The following CYP19A1 variants were observed in gnomAD, a reference collection of about 807,000 sequenced individuals.
The protein encoded by CYP19A1 is aromatase.
In CYP19A1, 32 loss-of-function variants were observed where a neutral mutation model predicts 44.4. That is an observed-to-expected ratio of 0.72 (90% CI 0.54 to 0.97). The LOEUF is 0.97. Ranked by LOEUF, CYP19A1 falls within the 50% of genes least tolerant of loss-of-function variation. CYP19A1 has a pLI of 0.00. For synonymous variants in CYP19A1, 212 were observed against 215.6 expected, an observed-to-expected ratio of 0.98 and a Z score of 0.14; for missense variants, 598 against 637.8, an observed-to-expected ratio of 0.94 and a Z score of 0.67.
At position 51,302,325 on chromosome 15, in the gene CYP19A1, C is replaced by T. The variant is rs190284045; in HGVS notation, c.-39+36170G>A. On this transcript the variant is annotated intron_variant, in intron 1 of 9. Coordinates refer to ENST00000396402, the MANE Select transcript of CYP19A1 (RefSeq NM_000103.4). ...GGAGCATTATTCCCCTGAGGGAATT[C>T]GCTGACCAAGAGGCCTTGCCTAGTC... Among the ~76,000 whole-genome samples the T allele has an allele frequency of 2.3e-4, 35 of 152,330 alleles. No homozygotes were observed. In the East Asian group the frequency reaches 3.1e-3, roughly 13 times the overall value.
intron 1 of CYP19A1, among the ~76,000 whole-genome samples, chr15:51,243,755 C>G (rs936682137): frequency 6.6e-6 from 1 of 152,208 alleles, no homozygotes; most frequent in African/African-American, 2.4e-5. Context: ...GAACCTCATT[C>G]GAAGAGCAGC....
chr15:51,311,331 A>T (rs2036305910), intron 1 of CYP19A1, among the ~76,000 whole-genome samples: 1 of 152,264 alleles, frequency 6.6e-6, no homozygotes, highest in Admixed American at 6.5e-5. Context: ...ACAATATCTG[A>T]AATAAATTCA....
At chr15:51,211,122 T>A in intron 9 of CYP19A1, 66 bp from the exon 10 acceptor site, 1 of 1,125,378 alleles carries the variant, frequency 8.9e-7, no homozygotes, top group Non-Finnish European at 1.4e-6. Context: ...TCTGTTTGAT[T>A]CATTCTGAAA....
chr15:51,270,116 A>G (rs2035069307), intron 1 of CYP19A1, among the ~76,000 whole-genome samples: 1 of 151,960 alleles, frequency 6.6e-6, no homozygotes, highest in African/African-American at 2.4e-5. Flanking sequence ...TCTCTCAGTA[A>G]TGTTTTGTAA....
rs55671949 is a variant in CYP19A1 at position 51,327,882 on chromosome 15, T to TA, written c.-39+10612dup. Among the ~76,000 whole-genome samples, 602 of 147,142 alleles carry TA rather than the reference T, an allele frequency of 4.1e-3. 5 individuals are homozygous for TA. Among genetic ancestry groups the TA allele is most frequent in the African/African-American group, 0.013 (518 of 40,390 alleles). ...AAATTTCCTCCCAAAATTCATAATATAAAAAAAAAATGGAATACACTCACT... is the reference window on the plus strand; with the variant it reads ...AAATTTCCTCCCAAAATTCATAATATAAAAAAAAAAATGGAATACACTCACT... On this transcript the variant is annotated intron_variant, in intron 1 of 9. Coordinates refer to ENST00000396402, the MANE Select transcript of CYP19A1 (RefSeq NM_000103.4).
chr15:51,283,816 G>A (rs1470646514), intron 1 of CYP19A1, among the ~76,000 whole-genome samples: 1 of 152,178 alleles, frequency 6.6e-6, no homozygotes, highest in Non-Finnish European at 1.5e-5. Context: ...AACAAACCGA[G>A]GCATACCCGG....
intron 1 of CYP19A1, among the ~76,000 whole-genome samples, chr15:51,327,525 GCT>G (rs1376601994): frequency 2.1e-5 from 3 of 145,238 alleles, no homozygotes; most frequent in Non-Finnish European, 4.5e-5. Context: ...GCAGAATCTT[GCT>G]CTGTCATATA....
At chr15:51,211,445 A>G (rs867188210) in intron 9 of CYP19A1, among the ~76,000 whole-genome samples, 9 of 152,366 alleles carry the variant, frequency 5.9e-5, no homozygotes, top group South Asian at 2.1e-4. Flanking sequence ...AAGGCAAGCA[A>G]GGATGTAGAT....
intron 1 of CYP19A1, among the ~76,000 whole-genome samples, chr15:51,245,790 C>A (rs2034026897): frequency 6.6e-6 from 1 of 152,212 alleles, no homozygotes; most frequent in Non-Finnish European, 1.5e-5. Flanking sequence ...TCACGACAAG[C>A]CTGAGAGCTA....
intron 1 of CYP19A1, among the ~76,000 whole-genome samples, chr15:51,310,162 A>G (rs968587521): frequency 2.6e-5 from 4 of 152,196 alleles, no homozygotes; most frequent in Admixed American, 2.0e-4. Flanking sequence ...AACCAAATGG[A>G]AGGCATGCAT....
chr15:51,297,129 G>T (rs531152228), intron 1 of CYP19A1, among the ~76,000 whole-genome samples: 2 of 152,178 alleles, frequency 1.3e-5, no homozygotes, highest in Non-Finnish European at 2.9e-5. Context: ...ACAGGTTCGC[G>T]CAGCCCTAGG....
chr15:51,238,505 T>C (rs2033547721), intron 2 of CYP19A1, among the ~76,000 whole-genome samples: 1 of 152,254 alleles, frequency 6.6e-6, no homozygotes, highest in African/African-American at 2.4e-5. Context: ...ATCCTTTTTT[T>C]TGAGACAGAG....
At chr15:51,247,221 G>A (rs1370903756) in intron 1 of CYP19A1, among the ~76,000 whole-genome samples, 5 of 151,920 alleles carry the variant, frequency 3.3e-5, no homozygotes, top group South Asian at 2.1e-4. Context: ...AGCCTAAAGC[G>A]TTTGCCCTCT....
chr15:51,297,474 A>AT (rs959188557), intron 1 of CYP19A1, among the ~76,000 whole-genome samples: 1 of 151,930 alleles, frequency 6.6e-6, no homozygotes, highest in Non-Finnish European at 1.5e-5. Flanking sequence ...TGCCTTCCTG[A>AT]TTGTGTGACT....
intron 1 of CYP19A1, among the ~76,000 whole-genome samples, chr15:51,304,442 G>C (rs1386867598): frequency 6.6e-6 from 1 of 152,132 alleles, no homozygotes. Context: ...AGTGTGGAAG[G>C]GAGCCAGCAA....
chr15:51,262,844 G>A (rs988673859), intron 1 of CYP19A1, among the ~76,000 whole-genome samples: 16 of 152,280 alleles, frequency 1.1e-4, no homozygotes, highest in African/African-American at 3.6e-4. Flanking sequence ...CATTGAAGCT[G>A]ACTCAACGGA....
intron 1 of CYP19A1, chr15:51,323,855 T>G (rs376711291): frequency 2.0e-5 from 3 of 152,216 alleles, no homozygotes; most frequent in East Asian, 1.9e-4. Context: ...GTGCGGATTT[T>G]TCCCCCCAAG....
At chr15:51,243,146 A>C (rs530048834) in intron 1 of CYP19A1, 196 bp from the exon 2 acceptor site, 1 of 520,706 alleles carries the variant, frequency 1.9e-6, no homozygotes, top group South Asian at 2.0e-5. Flanking sequence ...CTTGAATTGC[A>C]GCATTTCTGA....
intron 1 of CYP19A1, among the ~76,000 whole-genome samples, chr15:51,284,354 G>A (rs1595756609): frequency 6.6e-6 from 1 of 152,298 alleles, no homozygotes; most frequent in East Asian, 1.9e-4. Flanking sequence ...CCCGACACTG[G>A]CCCAAACAAA....
Sources: allele counts gnomAD v4.1 joint callset (sites outside exome capture counted in the v4.1 genomes callset), GRCh38; gene constraint gnomAD v4.1.1; transcripts MANE v1.5; gene names NCBI Gene and HGNC (gene_info 2026-07-23, HGNC 2026-07-21).